Variants in SLC1A3 observed in about 807,000 individuals in gnomAD.
SLC1A3 encodes solute carrier family 1 member 3, also known as excitatory amino acid transporter 1.
Under a neutral mutation model 48.1 loss-of-function variants are expected in SLC1A3, and 21 were observed. The ratio of observed to expected loss-of-function variants is 0.44; its 90% CI spans 0.31 to 0.63. SLC1A3 has a LOEUF of 0.63. SLC1A3 is among the 20% of genes least tolerant of loss of function. The pLI, the probability that SLC1A3 is intolerant of heterozygous loss-of-function variation, is 0.08. For missense variants in SLC1A3, 546 were observed against 689.0 expected (o/e 0.79, Z 2.32); for synonymous variants, 239 against 251.4 (o/e 0.95, Z 0.47).
chr5:36,659,459 C>T (rs1741417844), intron 3 of SLC1A3, among the ~76,000 whole-genome samples: 1 of 152,114 alleles, frequency 6.6e-6, no homozygotes, highest in South Asian at 2.1e-4. Context: ...GTCATCATGC[C>T]ACATATTATT....
At chr5:36,629,103 C>T (rs567491881) in intron 2 of SLC1A3, among the ~76,000 whole-genome samples, 48 of 152,132 alleles carry the variant, frequency 3.2e-4, no homozygotes, top group African/African-American at 1.0e-3. Flanking sequence ...ATCACCTGTT[C>T]GTGAATGCTT....
chr5:36,635,291 C>T (rs1740294245), intron 3 of SLC1A3, among the ~76,000 whole-genome samples: 1 of 152,160 alleles, frequency 6.6e-6, no homozygotes, highest in African/African-American at 2.4e-5. Context: ...AGGATTTATG[C>T]CTGGCACATA....
chr5:36,672,217 G>A (rs1348637096), intron 4 of SLC1A3, among the ~76,000 whole-genome samples: 1 of 152,182 alleles, frequency 6.6e-6, no homozygotes, highest in African/African-American at 2.4e-5. Context: ...AGCTCTGGGA[G>A]AATATAGACT....
chr5:36,628,816 GAAA>G (rs1303945422), intron 2 of SLC1A3, among the ~76,000 whole-genome samples: 1 of 152,156 alleles, frequency 6.6e-6, no homozygotes. Flanking sequence ...ATTTTGGGGA[GAAA>G]ATCTCTGCTC....
intron 2 of SLC1A3, among the ~76,000 whole-genome samples, chr5:36,616,344 A>C (rs1332740677): frequency 6.6e-6 from 1 of 152,214 alleles, no homozygotes; most frequent in African/African-American, 2.4e-5. Flanking sequence ...TAAAAGGCCC[A>C]AAAAGGTTTA....
intron 2 of SLC1A3, chr5:36,608,934 C>A: frequency 9.6e-7 from 1 of 1,042,454 alleles, no homozygotes; most frequent in Non-Finnish European, 1.2e-6. Context: ...CTAGATTTGG[C>A]CAAAATGTAA....
At chr5:36,622,856 C>A (rs1462999701) in intron 2 of SLC1A3, among the ~76,000 whole-genome samples, 1 of 151,002 alleles carries the variant, frequency 6.6e-6, no homozygotes, top group East Asian at 2.0e-4. Context: ...AAAAAAAATA[C>A]AAAAAATTAG....
chr5:36,664,769 C>A (rs1357775781), intron 3 of SLC1A3, among the ~76,000 whole-genome samples: 1 of 152,186 alleles, frequency 6.6e-6, no homozygotes, highest in Non-Finnish European at 1.5e-5. Context: ...TTTACTCATT[C>A]ATTCACCTGT....
chr5:36,646,622 G>GTCAA (rs1740851168), intron 3 of SLC1A3, among the ~76,000 whole-genome samples: 1 of 152,190 alleles, frequency 6.6e-6, no homozygotes, highest in Non-Finnish European at 1.5e-5. Flanking sequence ...AAGGCTTGCA[G>GTCAA]TCAAGGTCCT....
chr5:36,599,508 C>CTTTTTTTTTTTTTTTTTTT (rs1176214248), intron 1 of SLC1A3, among the ~76,000 whole-genome samples: 1 of 78,286 alleles, frequency 1.3e-5, no homozygotes, highest in African/African-American at 5.3e-5. Flanking sequence ...TACGGTTGAA[C>CTTTTTTTTTTTTTTTTTTT]TTTTTTTTTT....
At chr5:36,672,457 C>A (rs762238379) in intron 4 of SLC1A3, among the ~76,000 whole-genome samples, 2 of 152,204 alleles carry the variant, frequency 1.3e-5, no homozygotes, top group Non-Finnish European at 2.9e-5. Flanking sequence ...AGCCTGTCTT[C>A]CCAAAGACTA....
chr5:36,651,001 G>C (rs375059789), intron 3 of SLC1A3, among the ~76,000 whole-genome samples: 1 of 152,080 alleles, frequency 6.6e-6, no homozygotes, highest in African/African-American at 2.4e-5. Context: ...AAGTTACCAA[G>C]ATTTGCAGAG....
At chr5:36,670,887 C>T in intron 3 of SLC1A3, 142 bp from the exon 4 acceptor site, 1 of 748,968 alleles carries the variant, frequency 1.3e-6, no homozygotes, top group South Asian at 1.5e-5. Context: ...AGATTTGGGG[C>T]CAGGTTCTCA....
intron 9 of SLC1A3, 145 bp from the exon 10 acceptor site, chr5:36,685,920 A>G (rs1313714885): frequency 4.2e-6 from 3 of 716,034 alleles, no homozygotes; most frequent in South Asian, 1.5e-5. Flanking sequence ...TATGAATATT[A>G]TGTGTCTATT....
At chr5:36,618,711 A>G (rs1222596085) in intron 2 of SLC1A3, among the ~76,000 whole-genome samples, 1 of 152,180 alleles carries the variant, frequency 6.6e-6, no homozygotes, top group Non-Finnish European at 1.5e-5. Flanking sequence ...AGCATATAAC[A>G]CACAAAAGGC....
chr5:36,602,706 C>T (rs182342712), upstream of SLC1A3, among the ~76,000 whole-genome samples: 32 of 152,282 alleles, frequency 2.1e-4, no homozygotes, highest in African/African-American at 6.7e-4. Flanking sequence ...TAATTTCTTG[C>T]CACGTGGGAA....
upstream of SLC1A3, among the ~76,000 whole-genome samples, chr5:36,602,947 A>G (rs910150048): frequency 9.2e-5 from 14 of 152,342 alleles, no homozygotes; most frequent in African/African-American, 2.9e-4. Flanking sequence ...GACCCCTTCA[A>G]GGGCCTTGAT....
At chr5:36,666,091 G>A (rs1395128210) in intron 3 of SLC1A3, 1 of 152,122 alleles carries the variant, frequency 6.6e-6, no homozygotes, top group Non-Finnish European at 1.5e-5. Context: ...CCTTTCCTGG[G>A]TGAGTTTTTT....
chr5:36,610,333 A>C (rs1261280956), intron 2 of SLC1A3, among the ~76,000 whole-genome samples: 2 of 152,220 alleles, frequency 1.3e-5, no homozygotes, highest in African/African-American at 4.8e-5. Flanking sequence ...CGGTTACCTC[A>C]AAAGAAAACT....
Sources: allele counts gnomAD v4.1 joint callset (sites outside exome capture counted in the v4.1 genomes callset), GRCh38; gene constraint gnomAD v4.1.1; transcripts MANE v1.5; gene names NCBI Gene and HGNC (gene_info 2026-07-23, HGNC 2026-07-21).